Variants in ZNF345 observed in about 807,000 individuals in gnomAD.
ZNF345 encodes zinc finger protein 345, also known as zinc finger protein HZF10.
For missense variants in ZNF345, 527 were observed against 589.9 expected (o/e 0.89, Z 1.10); for synonymous variants, 166 against 187.9 (o/e 0.88, Z 0.95).
chr19:36,879,570 CACTT>C (rs780996243), exon 3 of ZNF345: 6 of 166,754 alleles, frequency 3.6e-5, no homozygotes, highest in African/African-American at 9.7e-5. Flanking sequence ...CCATTATAAA[CACTT>C]ACCTTGATGG....
intron 2 of ZNF345, 107 bp from the exon 3 acceptor site, chr19:36,876,678 A>T: frequency 1.3e-6 from 1 of 757,200 alleles, no homozygotes; most frequent in East Asian, 2.9e-5. Context: ...AAACCACTCA[A>T]TTTTTATGAA....
At chr19:36,884,152 G>A (rs1055321580), downstream of ZNF345, among the ~76,000 whole-genome samples, 4 of 152,032 alleles carry the variant, frequency 2.6e-5, no homozygotes, top group East Asian at 3.9e-4. Context: ...TGCAACCTCC[G>A]CCTCCTGGGT....
chr19:36,878,273 C>A lies in ZNF345; in HGVS notation c.1443C>A (p.Leu481=). 1 of 1,577,082 alleles carries A rather than the reference C, an allele frequency of 6.3e-7. No homozygotes were observed. ...QHKKSHNGKK[L]CELETIN ...AGAAAAGTCATAATGGTAAGAAACT[C>A]TGCGAATTGGAAACTATAAATTGAA... The change falls in exon 3 of 3, where the codon CTC becomes CTA. Residue 481 remains leucine (L), a synonymous_variant. Transcript: ENST00000420450.
downstream of ZNF345, among the ~76,000 whole-genome samples, chr19:36,881,199 A>G (rs2072966045): frequency 6.6e-6 from 1 of 152,210 alleles, no homozygotes; most frequent in African/African-American, 2.4e-5. Flanking sequence ...GAAATGCTCC[A>G]AATTCCAAAA....
At chr19:36,859,908 C>T (rs989303978) in intron 2 of ZNF345, among the ~76,000 whole-genome samples, 1 of 150,860 alleles carries the variant, frequency 6.6e-6, no homozygotes, top group African/African-American at 2.5e-5. Context: ...ACAGACACAC[C>T]CTACACACAT....
exon 4 of ZNF345, chr19:36,892,887 G>A: frequency 8.6e-7 from 1 of 1,159,162 alleles, no homozygotes; most frequent in South Asian, 4.0e-5. Context: ...AGCTCCGACT[G>A]CAAGGCCATC....
At chr19:36,867,130 G>A (rs2072676708) in intron 2 of ZNF345, among the ~76,000 whole-genome samples, 1 of 152,130 alleles carries the variant, frequency 6.6e-6, no homozygotes, top group Non-Finnish European at 1.5e-5. Context: ...GTGTATATTT[G>A]CCGCCGCCTT....
At chr19:36,889,303 G>C (rs1394270437) in intron 3 of ZNF345, 3 of 152,088 alleles carry the variant, frequency 2.0e-5, no homozygotes, top group African/African-American at 7.2e-5. Flanking sequence ...GATGATACTG[G>C]CTTTGTAGAA....
chr19:36,881,925 T>C (rs961891983), downstream of ZNF345, among the ~76,000 whole-genome samples: 7 of 152,238 alleles, frequency 4.6e-5, no homozygotes, highest in East Asian at 1.9e-4. Context: ...TTCGTTGATA[T>C]TGGCAAACAG....
chr19:36,877,592 T>C lies in ZNF345; in HGVS notation c.762T>C (p.Gly254=), dbSNP rs2072913082. ...ALTRHQRIHT[G]EKPYICNECG... ...CTCGGCATCAGAGAATTCATACCGGTGAGAAACCATATATATGTAATGAAT... is the reference window on the plus strand; with the variant it reads ...CTCGGCATCAGAGAATTCATACCGGCGAGAAACCATATATATGTAATGAAT... The change falls in exon 3 of 3, where the codon GGT becomes GGC. Residue 254 remains glycine, a synonymous_variant. Transcript: ENST00000420450. The C allele has an allele frequency of 6.2e-7, 1 of 1,613,904 alleles. No homozygotes were observed. Among genetic ancestry groups the C allele is most frequent in the Non-Finnish European group, 8.5e-7 (1 of 1,180,006 alleles).
chr19:36,877,271 G>C lies in ZNF345; in HGVS notation c.441G>C (p.Glu147Asp), dbSNP rs752610079. The C allele has an allele frequency of 1.4e-5, 22 of 1,612,928 alleles. No individual in the cohort carries two copies. The Admixed American group carries it at 2.8e-4, about 21-fold the overall frequency. The change falls in exon 3 of 3, where the codon GAG (glutamate) becomes GAC (aspartate). Residue 147 changes from glutamate to aspartate, a missense_variant. Physicochemically the swap from Glu to Asp is conservative, Grantham distance 45. Transcript: ENST00000420450. ...TTCATACTGGTGAGAAACCCTATGA[G>C]TGTAAGGAATGTGGGAAAGCCTTTA... The part of the protein sequence containing the change: ...QRIHTGEKPY[E>D]CKECGKAFSF...
intron 3 of ZNF345, chr19:36,888,614 A>T (rs2073020372): frequency 6.6e-6 from 1 of 152,196 alleles, no homozygotes; most frequent in African/African-American, 2.4e-5. Context: ...TGTGTTACAT[A>T]CACATATAGT....
chr19:36,878,534 GA>G lies in ZNF345; in HGVS notation c.*246del, dbSNP rs534001871. 1.4e-4 allele frequency: 47 copies of G among 335,170 alleles called. No individual in the cohort carries two copies. Among genetic ancestry groups the G allele is most frequent in the South Asian group, 2.6e-4 (2 of 7,736 alleles). The allele number at this position is 335,170 out of a possible 1,614,324, so 20.8% of individuals were successfully genotyped here. On this transcript the variant is annotated 3_prime_UTR_variant, in exon 3 of 3. Transcript: ENST00000420450. ...ATTCTTACTTGTGAATGTTAAAAAT[GA>G]AAAAAAAATCATTTATTATATTTTG...
downstream of ZNF345, among the ~76,000 whole-genome samples, chr19:36,883,606 C>T (rs2072980837): frequency 6.6e-6 from 1 of 152,208 alleles, no homozygotes; most frequent in African/African-American, 2.4e-5. Context: ...GACTGATATA[C>T]ATTTACAGCC....
intron 2 of ZNF345, among the ~76,000 whole-genome samples, chr19:36,873,122 TC>T (rs1210807716): frequency 1.3e-5 from 2 of 152,180 alleles, no homozygotes; most frequent in African/African-American, 4.8e-5. Flanking sequence ...TTGTTTTTAT[TC>T]CAACTTTATA....
chr19:36,854,808 G>A (rs966014303), intron 2 of ZNF345, among the ~76,000 whole-genome samples: 3 of 149,340 alleles, frequency 2.0e-5, no homozygotes, highest in Non-Finnish European at 4.5e-5. Context: ...CTGCTTTTTC[G>A]TTATCTTTTA....
downstream of ZNF345, among the ~76,000 whole-genome samples, chr19:36,883,258 A>G (rs2072978876): frequency 6.6e-6 from 1 of 152,228 alleles, no homozygotes; most frequent in South Asian, 2.1e-4. Context: ...AAGAGCAGAA[A>G]AGTAACTAAA....
downstream of ZNF345, among the ~76,000 whole-genome samples, chr19:36,880,510 C>T (rs2072961731): frequency 6.6e-6 from 1 of 152,078 alleles, no homozygotes; most frequent in South Asian, 2.1e-4. Flanking sequence ...AAAATGCAGG[C>T]AGGCACAGTA....
chr19:36,864,354 A>C (rs1312183182), intron 2 of ZNF345, among the ~76,000 whole-genome samples: 2 of 152,102 alleles, frequency 1.3e-5, no homozygotes, highest in Non-Finnish European at 1.5e-5. Context: ...AAAAAGAAAA[A>C]TAAAACAGCC....
Sources: gnomAD v4.1 joint callset for allele counts (sites outside exome capture counted in the v4.1 genomes callset) on GRCh38, gnomAD v4.1.1 for gene constraint, MANE v1.5 for transcripts, NCBI Gene and HGNC (gene_info 2026-07-23, HGNC 2026-07-21) for gene names.